Variants in TMEM132D observed in about 807,000 individuals in gnomAD.
TMEM132D encodes mature OL transmembrane protein.
Under a neutral mutation model 62.3 loss-of-function variants are expected in TMEM132D, and 21 were observed. That is an observed-to-expected ratio of 0.34 (90% CI 0.24 to 0.49). The LOEUF (loss-of-function observed/expected upper bound fraction) is 0.49, where lower values mean the gene tolerates loss of function less well. Ranked by LOEUF, TMEM132D falls within the 20% of genes least tolerant of loss-of-function variation. TMEM132D has a pLI of 0.99. For missense variants in TMEM132D, 1,346 were observed against 1,402.8 expected (o/e 0.96, Z 0.65); for synonymous variants, 621 against 575.6 (o/e 1.08, Z -1.13).
At chr12:129,711,587 C>T (rs1278134105) in intron 1 of TMEM132D, among the ~76,000 whole-genome samples, 2 of 151,828 alleles carry the variant, frequency 1.3e-5, no homozygotes, top group Non-Finnish European at 1.5e-5. Context: ...ATTAGCCGGG[C>T]ATGGTGGCGC....
At chr12:129,374,259 C>T (rs1870712191) in intron 3 of TMEM132D, among the ~76,000 whole-genome samples, 1 of 68,004 alleles carries the variant, frequency 1.5e-5, no homozygotes, top group Admixed American at 1.4e-4. Context: ...CTCACTGTAA[C>T]CTCACACATC....
chr12:129,691,947 A>G (rs1182761047), intron 2 of TMEM132D, among the ~76,000 whole-genome samples: 2 of 152,074 alleles, frequency 1.3e-5, no homozygotes, highest in Non-Finnish European at 2.9e-5. Flanking sequence ...TATCTATTAA[A>G]GAAGAGTAAA....
intron 5 of TMEM132D, among the ~76,000 whole-genome samples, chr12:129,162,282 G>A (rs1593281316): frequency 6.6e-6 from 1 of 152,190 alleles, no homozygotes; most frequent in South Asian, 2.1e-4. Flanking sequence ...GACATGGAGA[G>A]AAGGCAGCCG....
intron 3 of TMEM132D, among the ~76,000 whole-genome samples, chr12:129,451,685 T>C (rs1473731830): frequency 2.6e-5 from 4 of 152,280 alleles, no homozygotes; most frequent in Non-Finnish European, 5.9e-5. Context: ...GTTATTCTCA[T>C]GTGACAAGAA....
intron 2 of TMEM132D, among the ~76,000 whole-genome samples, chr12:129,635,830 T>C (rs112377879): frequency 3.3e-5 from 5 of 152,162 alleles, no homozygotes; most frequent in East Asian, 1.9e-4. Context: ...CCTAAGGTGG[T>C]TGAGGTGCAG....
chr12:129,126,389 T>C (rs568449793), intron 5 of TMEM132D, among the ~76,000 whole-genome samples: 2 of 151,834 alleles, frequency 1.3e-5, no homozygotes, highest in African/African-American at 4.8e-5. Context: ...TAATCCTGTT[T>C]GCATTTTTTG....
chr12:129,591,893 T>C (rs2137135492), intron 2 of TMEM132D, among the ~76,000 whole-genome samples: 1 of 152,314 alleles, frequency 6.6e-6, no homozygotes, highest in East Asian at 1.9e-4. Context: ...GCAATTCATC[T>C]CTTTCCTTCA....
At chr12:129,592,035 A>C in intron 2 of TMEM132D, among the ~76,000 whole-genome samples, 1 of 152,170 alleles carries the variant, frequency 6.6e-6, no homozygotes, top group East Asian at 1.9e-4. Context: ...AAGGCTAATA[A>C]AGTTTTTTTC....
intron 1 of TMEM132D, among the ~76,000 whole-genome samples, chr12:129,782,697 C>T (rs1274131854): frequency 6.6e-6 from 1 of 151,296 alleles, no homozygotes; most frequent in East Asian, 1.9e-4. Flanking sequence ...TCTGATAAAT[C>T]CAGGTAAGTC....
chr12:129,818,315 ATGTC>A (rs1248353613), intron 1 of TMEM132D, among the ~76,000 whole-genome samples: 1 of 118,526 alleles, frequency 8.4e-6, no homozygotes, highest in East Asian at 2.9e-4. Flanking sequence ...GTGTGTGTCT[ATGTC>A]TGTGTATCTA....
At chr12:129,288,963 C>A (rs1012613706) in intron 4 of TMEM132D, among the ~76,000 whole-genome samples, 1 of 152,052 alleles carries the variant, frequency 6.6e-6, no homozygotes, top group Non-Finnish European at 1.5e-5. Context: ...TATGCTAAGT[C>A]AGATAAGCCA....
intron 2 of TMEM132D, among the ~76,000 whole-genome samples, chr12:129,678,151 T>C (rs1359542319): frequency 4.6e-5 from 7 of 152,128 alleles, no homozygotes; most frequent in Non-Finnish European, 8.8e-5. Flanking sequence ...TATCTTTTGG[T>C]GAACAAGTGT....
intron 2 of TMEM132D, among the ~76,000 whole-genome samples, chr12:129,649,643 T>A (rs546606567): frequency 7.9e-5 from 12 of 152,236 alleles, no homozygotes; most frequent in African/African-American, 2.9e-4. Context: ...AGAAATATAT[T>A]CATATATATG....
At chr12:129,163,792 C>A (rs1877464916) in intron 5 of TMEM132D, among the ~76,000 whole-genome samples, 1 of 152,352 alleles carries the variant, frequency 6.6e-6, no homozygotes, top group African/African-American at 2.4e-5. Flanking sequence ...TTTCCAGTCA[C>A]CTCTGTGAGG....
intron 2 of TMEM132D, among the ~76,000 whole-genome samples, chr12:129,669,136 A>G (rs1338709491): frequency 2.0e-5 from 3 of 152,250 alleles, no homozygotes; most frequent in African/African-American, 7.2e-5. Flanking sequence ...TAAAAAGCCT[A>G]AGTGAAAAAT....
At chr12:129,490,047 G>A (rs559940987) in intron 3 of TMEM132D, among the ~76,000 whole-genome samples, 1 of 152,086 alleles carries the variant, frequency 6.6e-6, no homozygotes, top group African/African-American at 2.4e-5. Context: ...AAATGCTCTG[G>A]GCTTAACCAT....
At chr12:129,245,912 C>G (rs1285314134) in intron 4 of TMEM132D, among the ~76,000 whole-genome samples, 1 of 152,198 alleles carries the variant, frequency 6.6e-6, no homozygotes, top group East Asian at 1.9e-4. Flanking sequence ...ACAATTCTGG[C>G]TTTTACGAAA....
chr12:129,151,985 C>A (rs560084727), intron 5 of TMEM132D, among the ~76,000 whole-genome samples: 1 of 149,874 alleles, frequency 6.7e-6, no homozygotes, highest in African/African-American at 2.5e-5. Flanking sequence ...TCAAACGATT[C>A]TCCTGCCTCA....
At chr12:129,661,811 T>A (rs1312033900) in intron 2 of TMEM132D, among the ~76,000 whole-genome samples, 1 of 152,236 alleles carries the variant, frequency 6.6e-6, no homozygotes, top group African/African-American at 2.4e-5. Flanking sequence ...CTCATTTGAT[T>A]GGTCAGACAA....
Sources: allele counts gnomAD v4.1 joint callset (sites outside exome capture counted in the v4.1 genomes callset), GRCh38; gene constraint gnomAD v4.1.1; transcripts MANE v1.5; gene names NCBI Gene and HGNC (gene_info 2026-07-23, HGNC 2026-07-21).